The following REV3L variants were observed in gnomAD, a reference collection of about 807,000 sequenced individuals.
The protein encoded by REV3L is DNA polymerase zeta catalytic subunit.
A neutral mutation model predicts 299.4 loss-of-function variants in REV3L; 69 were observed. The observed-to-expected ratio is 0.23, with a 90% CI of 0.19 to 0.28. REV3L has a LOEUF of 0.28. Among genes scored for constraint, REV3L ranks in the 10% least tolerant of loss-of-function variants. REV3L has a pLI of 1.00. For synonymous variants in REV3L, 1,238 were observed against 1,271.4 expected (o/e 0.97, Z 0.56); for missense variants, 3,128 against 3,693.8 (o/e 0.85, Z 3.97).
At chr6:111,327,269 C>G (rs1481827382) in intron 25 of REV3L, among the ~76,000 whole-genome samples, 1 of 151,854 alleles carries the variant, frequency 6.6e-6, no homozygotes, top group East Asian at 1.9e-4. Flanking sequence ...GGAAATGGCC[C>G]CTAAGAAAGG....
chr6:111,316,713 T>C (rs1773568902), intron 26 of REV3L, among the ~76,000 whole-genome samples: 1 of 150,898 alleles, frequency 6.6e-6, no homozygotes, highest in South Asian at 2.1e-4. Context: ...CTGTAATGTA[T>C]GTTAACTGAA....
intron 1 of REV3L, among the ~76,000 whole-genome samples, chr6:111,440,040 C>G (rs923034837): frequency 6.6e-6 from 1 of 151,996 alleles, no homozygotes; most frequent in African/African-American, 2.4e-5. Context: ...AAATGCTTTC[C>G]AAGAGTTCAC....
At chr6:111,470,211 CAAAT>C (rs955277053) in intron 1 of REV3L, among the ~76,000 whole-genome samples, 7 of 131,380 alleles carry the variant, frequency 5.3e-5, no homozygotes, top group African/African-American at 1.7e-4. Context: ...CACACACACA[CAAAT>C]GTGAATAAGA....
At position 111,299,945 on chromosome 6, in the gene REV3L, AGCAC is replaced by A. The variant is rs1684116094; in HGVS notation, c.*67_*70del. 7.0e-7 allele frequency: 1 copy of A among 1,433,778 alleles called. No individual in the cohort carries two copies. Among genetic ancestry groups the A allele is most frequent in the South Asian group, 1.4e-5 (1 of 70,024 alleles). 88.8% of individuals were successfully genotyped at this position (1,433,778 alleles called of 1,614,324 possible). ...ATCCTTGACTCGATGAAAGTTAAAA[AGCAC>A]CATGCACAACAGTTTAGTGGTAAGC... On this transcript the variant is annotated 3_prime_UTR_variant, in exon 32 of 32. Transcript: ENST00000368802.
Position 111,374,811 on chromosome 6 carries a change from C to A in REV3L, c.3544G>T (p.Ala1182Ser), listed in dbSNP as rs1214187820. Residue 1182 changes from alanine to serine, a missense_variant, in exon 13 of 32, where the codon GCT becomes TCT. Around this residue, in one of 9 missense-constraint regions of REV3L, gnomAD observed 2,409 missense variants for 2,611.8 expected, o/e 0.92. Coordinates refer to ENST00000368802, the MANE Select transcript of REV3L (RefSeq NM_001372078.1). ...TTCTTAGTAACTATAGAGGGATTAG[C>A]AAGCTTTGCTTTTGATTTCTTAATC... ...AQIKKSKAKLANPSIVTKKRN... is the reference protein window; with the variant it reads ...AQIKKSKAKLSNPSIVTKKRN... The A allele has an allele frequency of 6.2e-7, 1 of 1,612,960 alleles. No homozygotes were observed. Among genetic ancestry groups the A allele is most frequent in the Admixed American group, 1.7e-5 (1 of 59,794 alleles).
chr6:111,343,030 A>G (rs1275768664), intron 21 of REV3L, among the ~76,000 whole-genome samples: 1 of 152,216 alleles, frequency 6.6e-6, no homozygotes, highest in Non-Finnish European at 1.5e-5. Context: ...AAACAGATTA[A>G]GTTTCTTAAA....
At chr6:111,330,978 A>C (rs1775319134) in intron 24 of REV3L, 1 of 985,126 alleles carries the variant, frequency 1.0e-6, no homozygotes, top group African/African-American at 1.7e-5. Context: ...ATAGTACACC[A>C]GAATGAATTT....
chr6:111,377,661 C>A (rs771694658), intron 12 of REV3L, 40 bp downstream of exon 12: 3 of 1,581,822 alleles, frequency 1.9e-6, no homozygotes, highest in South Asian at 2.3e-5. Context: ...ATTTTTAGAT[C>A]GTGAATAACC....
intron 21 of REV3L, among the ~76,000 whole-genome samples, chr6:111,338,140 A>AT (rs1776093240): frequency 6.6e-6 from 1 of 152,112 alleles, no homozygotes; most frequent in Non-Finnish European, 1.5e-5. Context: ...CATATATAAG[A>AT]ATCTGTTTCA....
intron 1 of REV3L, among the ~76,000 whole-genome samples, chr6:111,428,020 G>GAA (rs373499101): frequency 2.0e-4 from 24 of 117,822 alleles, no homozygotes; most frequent in African/African-American, 6.6e-4. Flanking sequence ...GCAGATTTAA[G>GAA]AAAAAAAAAA....
intron 1 of REV3L, among the ~76,000 whole-genome samples, chr6:111,452,402 G>A (rs1031929526): frequency 7.2e-5 from 11 of 152,196 alleles, no homozygotes; most frequent in African/African-American, 2.6e-4. Flanking sequence ...GTACATAAAT[G>A]CTTTATTCAT....
intron 19 of REV3L, among the ~76,000 whole-genome samples, chr6:111,350,337 T>C (rs1777458004): frequency 1.3e-5 from 2 of 152,300 alleles, no homozygotes; most frequent in South Asian, 4.1e-4. Context: ...TTGTTTTTCA[T>C]TTAGCAAACA....
chr6:111,306,393 A>G (rs1772301852), intron 31 of REV3L, among the ~76,000 whole-genome samples: 1 of 152,132 alleles, frequency 6.6e-6, no homozygotes, highest in African/African-American at 2.4e-5. Context: ...AGAGCAAGAA[A>G]TCGTGACAGA....
chr6:111,416,520 A>G (rs764049110), intron 1 of REV3L, 48 bp from the exon 2 acceptor site: 3 of 1,405,096 alleles, frequency 2.1e-6, no homozygotes, highest in South Asian at 1.3e-5. Context: ...ACAGTTTAAC[A>G]ATACAAAACT....
chr6:111,303,432 T>C (rs1181918173), intron 31 of REV3L, among the ~76,000 whole-genome samples: 1 of 151,778 alleles, frequency 6.6e-6, no homozygotes, highest in African/African-American at 2.4e-5. Flanking sequence ...AGTGGCACAA[T>C]CTCAGCTCAC....
At chr6:111,460,934 T>C (rs143409769) in intron 1 of REV3L, among the ~76,000 whole-genome samples, 6 of 152,206 alleles carry the variant, frequency 3.9e-5, no homozygotes, top group African/African-American at 1.2e-4. Context: ...TACTCACGTG[T>C]TTGTGGTGAA....
intron 1 of REV3L, among the ~76,000 whole-genome samples, chr6:111,422,897 A>C (rs1440189796): frequency 6.6e-6 from 1 of 151,740 alleles, no homozygotes; most frequent in East Asian, 1.9e-4. Flanking sequence ...TTCAAATAAA[A>C]TATACAGAAC....
intron 13 of REV3L, among the ~76,000 whole-genome samples, chr6:111,369,198 C>T (rs467042): frequency 0.4 from 60,036 of 148,446 alleles, 14,475 homozygotes; most frequent in Non-Finnish European, 0.54. Flanking sequence ...AGGAGAATGG[C>T]GTGAACCAGG....
At chr6:111,415,809 T>G (rs1784702915) in intron 2 of REV3L, among the ~76,000 whole-genome samples, 3 of 152,164 alleles carry the variant, frequency 2.0e-5, no homozygotes, top group Admixed American at 2.0e-4. Context: ...CTACTATTCC[T>G]TCTTATCCTG....
Sources: allele counts gnomAD v4.1 joint callset (sites outside exome capture counted in the v4.1 genomes callset), GRCh38; gene constraint gnomAD v4.1.1; regional missense constraint gnomAD v4.1.1; transcripts MANE v1.5; gene names NCBI Gene and HGNC (gene_info 2026-07-23, HGNC 2026-07-21).